ZNF664: variants seen among roughly 807,000 people sequenced by gnomAD.
The protein encoded by ZNF664 is zinc finger Organ of Corti 1.
Under a neutral mutation model 18.2 loss-of-function variants are expected in ZNF664, and 10 were observed. The observed-to-expected ratio is 0.55, with a 90% CI of 0.34 to 0.93. The LOEUF (loss-of-function observed/expected upper bound fraction) is 0.93, where lower values mean the gene tolerates loss of function less well. Among genes scored for constraint, ZNF664 ranks in the 40% least tolerant of loss-of-function variants. The pLI is 0.02. For synonymous variants in ZNF664, 119 were observed against 104.2 expected (o/e 1.14, Z -0.86); for missense variants, 193 against 319.0 (o/e 0.61, Z 3.01).
chr12:123,979,550 A>C (rs1049164729), intron 2 of ZNF664, among the ~76,000 whole-genome samples: 11 of 152,242 alleles, frequency 7.2e-5, no homozygotes, highest in African/African-American at 2.7e-4. Context: ...TTTTCATAGG[A>C]GAACATACGT....
Position 124,014,534 on chromosome 12 carries a change from C to T in ZNF664, c.*1604C>T, listed in dbSNP as rs1408511956. On this transcript the variant is annotated 3_prime_UTR_variant, in exon 5 of 5. Coordinates refer to ENST00000337815, the MANE Select transcript of ZNF664 (RefSeq NM_152437.3). ...AATTTTTAACTTTCTCTTCTCATTC[C>T]TGTTTTCATTGATTTCCCACATGTA... 6.0e-6 allele frequency: 1 copy of T among 167,060 alleles called. No individual in the cohort carries two copies. The highest frequency in any genetic ancestry group is 1.5e-5 in the Non-Finnish European group (1 of 68,128). The allele number at this position is 167,060 out of a possible 1,614,324, so 10.3% of individuals were successfully genotyped here. A position where few individuals can be genotyped will look rare whatever the true frequency, so the allele number is the denominator to read the frequency against.
At chr12:123,993,336 A>G (rs544813157) in intron 3 of ZNF664, among the ~76,000 whole-genome samples, 2 of 152,318 alleles carry the variant, frequency 1.3e-5, no homozygotes, top group Non-Finnish European at 2.9e-5. Context: ...GGCAGCCAGA[A>G]TCTTCAATTT....
intron 3 of ZNF664, among the ~76,000 whole-genome samples, chr12:123,995,803 T>C (rs1399255710): frequency 6.6e-6 from 1 of 152,212 alleles, no homozygotes; most frequent in Non-Finnish European, 1.5e-5. Context: ...ATGTCATCTT[T>C]GACTCTTCAC....
intron 2 of ZNF664, among the ~76,000 whole-genome samples, chr12:123,978,951 TAGAA>T (rs1424110473): frequency 2.6e-5 from 4 of 152,162 alleles, no homozygotes; most frequent in East Asian, 1.9e-4. Context: ...GCTCTTTATT[TAGAA>T]AGAAAGATCC....
chr12:123,987,232 T>C (rs1956835903), intron 2 of ZNF664, among the ~76,000 whole-genome samples: 1 of 152,164 alleles, frequency 6.6e-6, no homozygotes, highest in South Asian at 2.1e-4. Context: ...AACATGTAAA[T>C]GTCCCATCCA....
chr12:123,984,482 G>C (rs1474192050), intron 2 of ZNF664, among the ~76,000 whole-genome samples: 2 of 152,146 alleles, frequency 1.3e-5, no homozygotes, highest in Non-Finnish European at 2.9e-5. Context: ...GGGCCAGGGA[G>C]ACAGGGTAGC....
At chr12:123,996,186 A>G (rs1054785648) in intron 3 of ZNF664, among the ~76,000 whole-genome samples, 9 of 152,206 alleles carry the variant, frequency 5.9e-5, no homozygotes, top group African/African-American at 1.2e-4. Flanking sequence ...GTTTTATGCA[A>G]TTTTCAAAGC....
intron 2 of ZNF664, among the ~76,000 whole-genome samples, chr12:123,978,648 G>A (rs1168696699): frequency 1.3e-5 from 2 of 152,170 alleles, no homozygotes; most frequent in Non-Finnish European, 2.9e-5. Flanking sequence ...CTGGACACTA[G>A]ATAAATTGCT....
chr12:123,998,187 G>C (rs1468109932), intron 3 of ZNF664, among the ~76,000 whole-genome samples: 1 of 152,088 alleles, frequency 6.6e-6, no homozygotes, highest in Non-Finnish European at 1.5e-5. Context: ...TTATCCCTTT[G>C]TATGTTTATG....
chr12:123,993,039 G>A (rs1205975926), intron 3 of ZNF664, among the ~76,000 whole-genome samples: 1 of 152,174 alleles, frequency 6.6e-6, no homozygotes, highest in Non-Finnish European at 1.5e-5. Context: ...TGGACCTTCC[G>A]AGGTGCTGTC....
chr12:123,974,804 C>G (rs1956667313), intron 2 of ZNF664, among the ~76,000 whole-genome samples: 1 of 152,186 alleles, frequency 6.6e-6, no homozygotes. Flanking sequence ...ACTGCTGCAC[C>G]ATGTTCCATA....
intron 3 of ZNF664, chr12:123,998,418 G>A (rs1956974728): frequency 6.6e-6 from 1 of 152,132 alleles, no homozygotes; most frequent in Non-Finnish European, 1.5e-5. Context: ...GAGATGCCTT[G>A]GTCACTCCAG....
chr12:123,998,935 T>C (rs1444982386), intron 3 of ZNF664, among the ~76,000 whole-genome samples: 1 of 152,234 alleles, frequency 6.6e-6, no homozygotes, highest in Non-Finnish European at 1.5e-5. Context: ...CTTCTCTCAT[T>C]GTCACTTATC....
At chr12:124,009,668 T>TTTTAA (rs908194347) in intron 3 of ZNF664, among the ~76,000 whole-genome samples, 4 of 151,780 alleles carry the variant, frequency 2.6e-5, no homozygotes, top group East Asian at 1.9e-4. Context: ...CTGGCTAACT[T>TTTTAA]TTTAATTTAA....
chr12:123,997,687 C>T (rs1956965786), intron 3 of ZNF664: 1 of 152,100 alleles, frequency 6.6e-6, no homozygotes, highest in Admixed American at 6.5e-5. Flanking sequence ...CTGCAAAGAC[C>T]CTGTTTCCAA....
rs1431304092 is a variant in ZNF664, at chr12:124,000,910, A to G, written c.-660-10471A>G. 2.6e-5 allele frequency among the ~76,000 whole-genome samples: 4 copies of G among 152,124 alleles called. 1 individual carries two copies. The East Asian group carries it at 7.7e-4, about 29-fold the overall frequency. On this transcript the variant is annotated intron_variant, in intron 3 of 4. Coordinates refer to ENST00000337815, the MANE Select transcript of ZNF664 (RefSeq NM_152437.3). ...CCATCTAAATGTTAACGGCTCACAC[A>G]TGTATACCTTATAAAGTCCTGATCT... is the stretch of plus-strand genomic sequence containing the variant.
chr12:123,996,681 A>G (rs1275550740), intron 3 of ZNF664, among the ~76,000 whole-genome samples: 2 of 152,142 alleles, frequency 1.3e-5, no homozygotes, highest in African/African-American at 2.4e-5. Context: ...AGTGGACAGA[A>G]TGTCGTTGGG....
intron 3 of ZNF664, among the ~76,000 whole-genome samples, chr12:123,996,124 A>G (rs1956945138): frequency 6.6e-6 from 1 of 152,248 alleles, no homozygotes; most frequent in Non-Finnish European, 1.5e-5. Flanking sequence ...AGGCAGGTAC[A>G]TTGAAGAAAG....
At chr12:123,986,452 C>A (rs1956826687) in intron 2 of ZNF664, among the ~76,000 whole-genome samples, 1 of 152,148 alleles carries the variant, frequency 6.6e-6, no homozygotes, top group Non-Finnish European at 1.5e-5. Flanking sequence ...CTTTTCTAAC[C>A]TTTTAGCTCC....
Sources: allele counts gnomAD v4.1 joint callset (sites outside exome capture counted in the v4.1 genomes callset), GRCh38; gene constraint gnomAD v4.1.1; transcripts MANE v1.5; gene names NCBI Gene and HGNC (gene_info 2026-07-23, HGNC 2026-07-21).